ZNF546: variants seen among roughly 807,000 people sequenced by gnomAD.
ZNF546 encodes CTC-471F3.6.
In ZNF546, 60 loss-of-function variants were observed where a neutral mutation model predicts 76.2. The ratio of observed to expected loss-of-function variants is 0.79; its 90% CI spans 0.64 to 0.98. The LOEUF (loss-of-function observed/expected upper bound fraction) is 0.98. Ranked by LOEUF, ZNF546 falls within the 50% of genes least tolerant of loss-of-function variation. The pLI, the probability that ZNF546 is intolerant of heterozygous loss-of-function variation, is 0.00. For synonymous variants in ZNF546, 277 were observed against 328.1 expected, an observed-to-expected ratio of 0.84 and a Z score of 1.68; for missense variants, 936 against 1,035.6, an observed-to-expected ratio of 0.90 and a Z score of 1.32.
At position 40,015,520 on chromosome 19, in the gene ZNF546, C is replaced by T. The variant is rs768786845; in HGVS notation, c.2250C>T (p.Ser750=). Residue 750 remains serine (S), a synonymous_variant, in exon 7 of 7, where the codon AGC becomes AGT. Coordinates refer to ENST00000347077, the MANE Select transcript of ZNF546 (RefSeq NM_178544.5). ...TTCATACTGGTGAGAAACCTTATAG[C>T]TGTAAAGAATGTGGGAATGCCTTTC... The part of the protein sequence containing the change: ...FRLHTGEKPY[S]CKECGNAFRL... 2 of 1,613,636 alleles carry T rather than the reference C, an allele frequency of 1.2e-6. No individual in the cohort carries two copies. The highest frequency in any genetic ancestry group is 2.2e-5 in the South Asian group (2 of 91,010).
At chr19:40,010,398 G>A (rs540679717) in intron 6 of ZNF546, among the ~76,000 whole-genome samples, 9 of 142,824 alleles carry the variant, frequency 6.3e-5, no homozygotes, top group Admixed American at 4.9e-4. Context: ...CCAAGATAAT[G>A]TCTGAAAAAA....
At position 40,018,315 on chromosome 19, in the gene ZNF546, C is replaced by T. The variant is rs1193359399; in HGVS notation, c.*2534C>T. 6.6e-6 allele frequency: 1 copy of T among 152,156 alleles called. No homozygotes were observed. Among genetic ancestry groups the T allele is most frequent in the African/African-American group, 2.4e-5 (1 of 41,428 alleles). The allele number at this position is 152,156 out of a possible 1,614,324, so 9.4% of individuals were successfully genotyped here. A position where few individuals can be genotyped will look rare whatever the true frequency, so the allele number is the denominator to read the frequency against. The stretch of plus-strand genomic sequence containing the variant: ...GTGCTTTTTTATCCCCAGTATTTCC[C>T]ATTAACTGGAATTTGGGATTAGAGA... On this transcript the variant is annotated 3_prime_UTR_variant, in exon 7 of 7. Transcript: ENST00000347077.
chr19:40,001,907 G>A (rs925353793), intron 3 of ZNF546, among the ~76,000 whole-genome samples: 2 of 152,138 alleles, frequency 1.3e-5, no homozygotes, highest in Non-Finnish European at 2.9e-5. Flanking sequence ...ACGTAATTAT[G>A]TATCATTAAG....
At chr19:39,999,388 C>T (rs931424015) in intron 3 of ZNF546, among the ~76,000 whole-genome samples, 1 of 152,086 alleles carries the variant, frequency 6.6e-6, no homozygotes, top group Non-Finnish European at 1.5e-5. Flanking sequence ...AACCAATTTG[C>T]TTCTGATGTG....
At chr19:40,010,421 G>T (rs1026830079) in intron 6 of ZNF546, among the ~76,000 whole-genome samples, 3 of 150,730 alleles carry the variant, frequency 2.0e-5, no homozygotes, top group Non-Finnish European at 1.5e-5. Flanking sequence ...AAAAAAAGAA[G>T]AAGAAAGTGG....
At chr19:40,008,321 C>G in intron 5 of ZNF546, 149 bp from the exon 6 acceptor site, 1 of 482,824 alleles carries the variant, frequency 2.1e-6, no homozygotes, top group East Asian at 3.0e-5. Context: ...TCTTAGATGG[C>G]CTTTTTCTTC....
chr19:40,003,579 T>A (rs1971557957), intron 3 of ZNF546, among the ~76,000 whole-genome samples: 1 of 152,116 alleles, frequency 6.6e-6, no homozygotes, highest in Admixed American at 6.5e-5. Flanking sequence ...CAGGAGTACA[T>A]GAAAAGCCAC....
Position 40,013,404 on chromosome 19 carries a change from G to A in ZNF546, c.395-261G>A, listed in dbSNP as rs113176093. ...ACAGCCACACTTATTATCATCTGTG[G>A]CTACTTTTGTGCTGTAATAACAGAG... is the stretch of plus-strand genomic sequence containing the variant. On this transcript the variant is annotated intron_variant, in intron 6 of 6. Coordinates refer to ENST00000347077, the MANE Select transcript of ZNF546 (RefSeq NM_178544.5). Among the ~76,000 whole-genome samples, 9 of 152,156 alleles carry A rather than the reference G, an allele frequency of 5.9e-5. 1 individual carries two copies. The highest frequency in any genetic ancestry group is 1.7e-4 in the African/African-American group (7 of 41,498).
In ZNF546 at chr19:39,998,402, T is replaced by G. The variant is rs1034901138; in HGVS notation, c.76T>G (p.Ser26Ala). The change falls in exon 3 of 7, where the codon TCT (serine) becomes GCT (alanine). Residue 26 changes from serine (S) to alanine (A), a missense_variant. Transcript: ENST00000347077. Reference sequence around the variant, plus strand: ...TCAAATCATTCCTCTGCACTCACTTTCTATAATGGTAGAGAAATGCATATC... The same window carrying G: ...TCAAATCATTCCTCTGCACTCACTTGCTATAATGGTAGAGAAATGCATATC... The part of the protein sequence containing the change: ...IFQIIPLHSL[S>A]IMPRFLWILC... 5 of 1,613,608 alleles carry G rather than the reference T, an allele frequency of 3.1e-6. No homozygotes were observed. The African/African-American group carries it at 5.3e-5, about 17-fold the overall frequency.
At chr19:40,008,436 C>T (rs1476767051) in intron 5 of ZNF546, 34 bp from the exon 6 acceptor site, 2 of 1,495,220 alleles carry the variant, frequency 1.3e-6, no homozygotes, top group Admixed American at 2.0e-5. Flanking sequence ...TTGTTTTTTT[C>T]TATAACATGT....
At chr19:40,001,746 T>C (rs1405291358) in intron 3 of ZNF546, among the ~76,000 whole-genome samples, 1 of 152,164 alleles carries the variant, frequency 6.6e-6, no homozygotes, top group Non-Finnish European at 1.5e-5. Context: ...AAGGCTCAGC[T>C]CTGAAATACT....
Position 40,007,286 on chromosome 19 carries a change from T to C in ZNF546, c.184T>C (p.Phe62Leu), listed in dbSNP as rs1231011043. 5.1e-6 allele frequency: 8 copies of C among 1,553,428 alleles called. No homozygotes were observed. The highest frequency in any genetic ancestry group is 1.4e-5 in the African/African-American group (1 of 73,000). The change falls in exon 5 of 7, where the codon TTT becomes CTT. Residue 62 changes from phenylalanine to leucine, a missense_variant. Coordinates refer to ENST00000347077, the MANE Select transcript of ZNF546 (RefSeq NM_178544.5). ...SKTMANVSLA[F>L]RDVSIDLSQE... ...CTTGTCATTTCAGGTATCTTTGGCA[T>C]TTAGGGATGTGTCCATAGACCTCTC...
intron 2 of ZNF546, 102 bp downstream of exon 2, chr19:39,998,017 T>G (rs1568382347): frequency 2.7e-6 from 1 of 375,024 alleles, no homozygotes. Context: ...ACCACACTGC[T>G]ATGTCAAGCA....
rs1352760777 is a variant in ZNF546 at position 40,018,898 on chromosome 19, T to C, written c.*3117T>C. The C allele has an allele frequency of 6.6e-6, 1 of 152,262 alleles. No homozygotes were observed. Among genetic ancestry groups the C allele is most frequent in the African/African-American group, 2.4e-5 (1 of 41,472 alleles). The allele number at this position is 152,262 out of a possible 1,614,324, so 9.4% of individuals were successfully genotyped here. ...AGAGAAAAGCTTTCCCCCATGAGCC[T>C]GCCCAAATTGCAGATTTACGTTTAA... On this transcript the variant is annotated 3_prime_UTR_variant, in exon 7 of 7. Coordinates refer to ENST00000347077, the MANE Select transcript of ZNF546 (RefSeq NM_178544.5).
chr19:40,010,922 C>G (rs538332686), intron 6 of ZNF546, among the ~76,000 whole-genome samples: 1 of 152,098 alleles, frequency 6.6e-6, no homozygotes, highest in Non-Finnish European at 1.5e-5. Flanking sequence ...ACCTCAGATC[C>G]ACCTGCCTCA....
chr19:40,007,567 A>G (rs1031411392), intron 5 of ZNF546, among the ~76,000 whole-genome samples, 167 bp downstream of exon 5: 4 of 151,908 alleles, frequency 2.6e-5, no homozygotes, highest in African/African-American at 9.7e-5. Context: ...AAGCAACTTC[A>G]CCTTTCTGAC....
rs545924388 is a variant in ZNF546 at position 40,007,415 on chromosome 19, G to T, written c.298+15G>T. On this transcript the variant is annotated intron_variant, in intron 5 of 6. Coordinates refer to ENST00000347077, the MANE Select transcript of ZNF546 (RefSeq NM_178544.5). The stretch of plus-strand genomic sequence containing the variant: ...GGTCTCACTGGGTAAGGTATCTTTC[G>T]AAATCGTTTACAATCTGTTTTCTGG... 4 of 1,573,040 alleles carry T rather than the reference G, an allele frequency of 2.5e-6. No homozygotes were observed. The African/African-American group carries it at 4.1e-5, about 16-fold the overall frequency.
At position 40,019,402 on chromosome 19, in the gene ZNF546, AGAAG is replaced by A. The variant is rs1418466281; in HGVS notation, c.*3623_*3626del. On this transcript the variant is annotated 3_prime_UTR_variant, in exon 7 of 7. Coordinates refer to ENST00000347077, the MANE Select transcript of ZNF546 (RefSeq NM_178544.5). ...AGGGAAAAATAAGTCAATATAAGAA[AGAAG>A]GGAGGATCATTAAAAGGAGTTAATG... 2 of 152,228 alleles carry A rather than the reference AGAAG, an allele frequency of 1.3e-5. No homozygotes were observed. Among genetic ancestry groups the A allele is most frequent in the Admixed American group, 6.5e-5 (1 of 15,282 alleles). 9.4% of individuals were successfully genotyped at this position (152,228 alleles called of 1,614,324 possible).
In ZNF546 at chr19:40,014,016, A is replaced by T. The variant is rs781353289; in HGVS notation, c.746A>T (p.Glu249Val). The T allele has an allele frequency of 2.9e-5, 47 of 1,612,388 alleles. No homozygotes were observed. In the South Asian group the frequency reaches 4.9e-4, roughly 17 times the overall value. ...GGTGAGAGACCCTATAAATGTATGGAATGTGGAAAGGCCTTTTGTCGAGTG... is the reference window on the plus strand; with the variant it reads ...GGTGAGAGACCCTATAAATGTATGGTATGTGGAAAGGCCTTTTGTCGAGTG... Reference protein sequence around the residue: ...HTGERPYKCMECGKAFCRVGD... With the variant: ...HTGERPYKCMVCGKAFCRVGD... The change falls in exon 7 of 7, where the codon GAA becomes GTA. Residue 249 changes from glutamate to valine, a missense_variant. Transcript: ENST00000347077.
Sources: gnomAD v4.1 joint callset for allele counts (sites outside exome capture counted in the v4.1 genomes callset) on GRCh38, gnomAD v4.1.1 for gene constraint, MANE v1.5 for transcripts, NCBI Gene and HGNC (gene_info 2026-07-23, HGNC 2026-07-21) for gene names.